Variants in SLIT2 observed in about 807,000 individuals in gnomAD.
SLIT2 encodes slit guidance ligand 2, also known as slit homolog 2 protein.
Under a neutral mutation model 185.7 loss-of-function variants are expected in SLIT2, and 41 were observed. The ratio of observed to expected loss-of-function variants is 0.22; its 90% CI spans 0.17 to 0.29. SLIT2 has a LOEUF of 0.29. SLIT2 is among the 10% of genes least tolerant of loss of function. The probability of loss-of-function intolerance (pLI) is 1.00; values close to 1 mark genes in which losing one functional copy is unlikely to be tolerated. For synonymous variants in SLIT2, 693 were observed against 680.2 expected (o/e 1.02, Z -0.29); for missense variants, 1,571 against 1,909.0 (o/e 0.82, Z 3.30).
At chr4:20,580,283 G>T (rs1002111116) in intron 29 of SLIT2, among the ~76,000 whole-genome samples, 2 of 150,994 alleles carry the variant, frequency 1.3e-5, no homozygotes, top group African/African-American at 4.9e-5. Context: ...GGTGATCCAC[G>T]CACCTCGGCC....
At position 20,265,621 on chromosome 4, in the gene SLIT2, G is replaced by T. The variant is rs114295307; in HGVS notation, c.324-3189G>T. ...TTTCATGAAATAATTATAAAGTACT[G>T]CAATTCAGAGAAGAATTCTTCGTAT... On this transcript the variant is annotated intron_variant, in intron 3 of 36. Transcript: ENST00000504154. 7.4e-3 allele frequency among the ~76,000 whole-genome samples: 1,126 copies of T among 151,418 alleles called. 11 individuals carry two copies. The highest frequency in any genetic ancestry group is 0.025 in the African/African-American group (1,053 of 41,374).
At chr4:20,481,151 G>A (rs1053532070) in intron 6 of SLIT2, among the ~76,000 whole-genome samples, 1 of 151,792 alleles carries the variant, frequency 6.6e-6, no homozygotes, top group Non-Finnish European at 1.5e-5. Context: ...TCGTTGTTAG[G>A]CAATGGAAAC....
At chr4:20,450,438 A>G (rs1712344129) in intron 4 of SLIT2, among the ~76,000 whole-genome samples, 1 of 152,180 alleles carries the variant, frequency 6.6e-6, no homozygotes, top group African/African-American at 2.4e-5. Flanking sequence ...TGCATTTCCA[A>G]TGGTATATAA....
intron 4 of SLIT2, among the ~76,000 whole-genome samples, chr4:20,359,182 C>T (rs1441123397): frequency 6.6e-6 from 1 of 151,934 alleles, no homozygotes; most frequent in Non-Finnish European, 1.5e-5. Context: ...AATATGGGAG[C>T]CTGAAAAGCT....
chr4:20,519,180 T>A (rs1400866817), intron 11 of SLIT2, among the ~76,000 whole-genome samples: 1 of 152,212 alleles, frequency 6.6e-6, no homozygotes, highest in Non-Finnish European at 1.5e-5. Context: ...TTTTTCTGTT[T>A]TCCAAATGTT....
chr4:20,528,438 A>C lies in SLIT2; in HGVS notation c.1463-511A>C. On this transcript the variant is annotated intron_variant, in intron 15 of 36. Coordinates refer to ENST00000504154, the MANE Select transcript of SLIT2 (RefSeq NM_004787.4). This position sits in a 1 kb window ranked among gnomAD's most constrained non-coding sequence, Gnocchi z 4.2. ...GGATTTTCCTGTCTCTTTCTACAAA[A>C]TCAAAATGAAAAAAGAGGGCTTTTT... The C allele has an allele frequency of 2.1e-6, 1 of 486,372 alleles. No homozygotes were observed. Among genetic ancestry groups the C allele is most frequent in the East Asian group, 5.6e-5 (1 of 17,714 alleles). The allele number at this position is 486,372 out of a possible 1,614,324, so 30.1% of individuals were successfully genotyped here.
chr4:20,609,624 C>T (rs1375528538), intron 33 of SLIT2, among the ~76,000 whole-genome samples: 1 of 152,124 alleles, frequency 6.6e-6, no homozygotes, highest in Non-Finnish European at 1.5e-5. Flanking sequence ...TGGCACAGGC[C>T]TAGTTTCCTT....
intron 29 of SLIT2, among the ~76,000 whole-genome samples, chr4:20,588,881 A>T (rs546401475): frequency 3.9e-4 from 60 of 152,258 alleles, no homozygotes; most frequent in African/African-American, 1.4e-3. Flanking sequence ...TGGAAAAAAT[A>T]TATGTTCCCT....
chr4:20,389,320 A>G (rs1560379983), intron 4 of SLIT2, among the ~76,000 whole-genome samples: 1 of 152,112 alleles, frequency 6.6e-6, no homozygotes, highest in Non-Finnish European at 1.5e-5. Context: ...GGCAAATAAC[A>G]TCTAAATATT....
chr4:20,348,261 T>C (rs1297569042), intron 4 of SLIT2, among the ~76,000 whole-genome samples: 1 of 152,106 alleles, frequency 6.6e-6, no homozygotes, highest in Non-Finnish European at 1.5e-5. Context: ...TGTTTTGAGA[T>C]GGAGTCCCAC....
intron 24 of SLIT2, among the ~76,000 whole-genome samples, chr4:20,550,039 T>C (rs1723600311): frequency 6.6e-6 from 1 of 152,208 alleles, no homozygotes; most frequent in South Asian, 2.1e-4. Flanking sequence ...TGTCTTGTTA[T>C]TCCCCAGACA....
chr4:20,290,085 A>G (rs1228300475), intron 4 of SLIT2, among the ~76,000 whole-genome samples: 1 of 152,096 alleles, frequency 6.6e-6, no homozygotes, highest in Non-Finnish European at 1.5e-5. Context: ...TTGCCTCCCT[A>G]CACCTGGCCA....
At chr4:20,437,914 CAAAAAAA>C (rs1224604666) in intron 4 of SLIT2, among the ~76,000 whole-genome samples, 5 of 65,614 alleles carry the variant, frequency 7.6e-5, no homozygotes, top group African/African-American at 2.6e-4. Context: ...GACTCCGTCT[CAAAAAAA>C]AAAAAAAAAA....
At chr4:20,255,365 A>G (rs182366208) in intron 1 of SLIT2, among the ~76,000 whole-genome samples, 2 of 152,284 alleles carry the variant, frequency 1.3e-5, no homozygotes, top group African/African-American at 4.8e-5. Context: ...CAGCCTCACT[A>G]GGTTACCCTT....
intron 8 of SLIT2, chr4:20,490,829 C>T: frequency 6.6e-7 from 1 of 1,514,108 alleles, no homozygotes; most frequent in East Asian, 2.5e-5. Context: ...GTTCACATTT[C>T]TTTTTTAGAC....
rs1721490179 is a variant in SLIT2, at chr4:20,528,403, G to A, written c.1463-546G>A. 1 of 523,664 alleles carries A rather than the reference G, an allele frequency of 1.9e-6. No homozygotes were observed. The highest frequency in any genetic ancestry group is 1.9e-5 in the African/African-American group (1 of 51,508). 32.4% of individuals were successfully genotyped at this position (523,664 alleles called of 1,614,324 possible). ...TTCTACAGCATGACAAGCTGCTGAG[G>A]CTTAAATCAGGATTTTCCTGTCTCT... is the stretch of plus-strand genomic sequence containing the variant. On this transcript the variant is annotated intron_variant, in intron 15 of 36. Transcript: ENST00000504154. This position sits in a 1 kb window ranked among gnomAD's most constrained non-coding sequence, Gnocchi z 4.2.
chr4:20,595,567 A>T, intron 30 of SLIT2, 130 bp from the exon 31 acceptor site: 1 of 1,092,640 alleles, frequency 9.2e-7, no homozygotes, highest in Non-Finnish European at 1.3e-6. Context: ...GGTATCCATT[A>T]ATGTGGGGGC....
rs538456925 is a variant in SLIT2, at chr4:20,515,977, G to T, written c.1059-3405G>T. Among the ~76,000 whole-genome samples, 3 of 152,070 alleles carry T rather than the reference G, an allele frequency of 2.0e-5. No individual in the cohort carries two copies. The East Asian group carries it at 5.8e-4, about 29-fold the overall frequency. ...ATTACAGGCGCCTGCTACCACACTC[G>T]GCTAATTTTTTGTATTTTTAGTAGA... is the stretch of plus-strand genomic sequence containing the variant. On this transcript the variant is annotated intron_variant, in intron 11 of 36. Transcript: ENST00000504154.
chr4:20,474,592 A>C (rs1029704881), intron 5 of SLIT2, among the ~76,000 whole-genome samples: 3 of 152,150 alleles, frequency 2.0e-5, no homozygotes, highest in Non-Finnish European at 4.4e-5. Flanking sequence ...TCCAATTCAC[A>C]TACTTACAAA....
Sources: gnomAD v4.1 joint callset for allele counts (sites outside exome capture counted in the v4.1 genomes callset) on GRCh38, gnomAD v4.1.1 for gene constraint, Gnocchi (gnomAD v3.1) non-coding constraint, MANE v1.5 for transcripts, NCBI Gene and HGNC (gene_info 2026-07-23, HGNC 2026-07-21) for gene names.